The following WWP2 variants were observed in gnomAD, a reference collection of about 807,000 sequenced individuals.
The protein encoded by WWP2 is NEDD4-like E3 ubiquitin-protein ligase WWP2.
In WWP2, 57 loss-of-function variants were observed where a neutral mutation model predicts 121.0. That is an observed-to-expected ratio of 0.47 (90% CI 0.38 to 0.59). WWP2 has a LOEUF of 0.59. Among genes scored for constraint, WWP2 ranks in the 20% least tolerant of loss-of-function variants. The pLI is 0.00. For missense variants in WWP2, 962 were observed against 1,158.9 expected (o/e 0.83, Z 2.47); for synonymous variants, 449 against 441.3 (o/e 1.02, Z -0.22).
chr16:69,813,161 ATT>A (rs201294551), intron 4 of WWP2, among the ~76,000 whole-genome samples: 20 of 135,918 alleles, frequency 1.5e-4, no homozygotes, highest in Admixed American at 1.5e-4. Flanking sequence ...TTCTGGTGTA[ATT>A]TTTTTTTTTT....
intron 8 of WWP2, among the ~76,000 whole-genome samples, chr16:69,900,365 C>T (rs1056171071): frequency 6.6e-5 from 10 of 152,038 alleles, no homozygotes; most frequent in East Asian, 1.9e-4. Context: ...CAGTGGCTCA[C>T]GCCTGTAATC....
At chr16:69,811,764 A>G (rs2056396600) in intron 4 of WWP2, among the ~76,000 whole-genome samples, 1 of 152,144 alleles carries the variant, frequency 6.6e-6, no homozygotes, top group African/African-American at 2.4e-5. Context: ...AAAAAAATAA[A>G]AGATTCAAAT....
chr16:69,890,879 G>C (rs1192194169), intron 8 of WWP2: 1 of 152,246 alleles, frequency 6.6e-6, no homozygotes, highest in African/African-American at 2.4e-5. Flanking sequence ...ACGTTTCTGA[G>C]GTAGAGCCTA....
chr16:69,803,087 T>C (rs1267409875), intron 4 of WWP2, among the ~76,000 whole-genome samples: 1 of 144,232 alleles, frequency 6.9e-6, no homozygotes, highest in African/African-American at 2.5e-5. Flanking sequence ...ATATTACTTG[T>C]AAAAAAAAAA....
chr16:69,857,489 T>A (rs1448538441), intron 6 of WWP2, among the ~76,000 whole-genome samples: 1 of 152,010 alleles, frequency 6.6e-6, no homozygotes, highest in Non-Finnish European at 1.5e-5. Flanking sequence ...GATAATGGAG[T>A]GTGAAATTCT....
chr16:69,790,859 A>G (rs1008238741), intron 2 of WWP2, among the ~76,000 whole-genome samples: 6 of 152,108 alleles, frequency 3.9e-5, no homozygotes, highest in Non-Finnish European at 7.4e-5. Flanking sequence ...TACAGGTGTG[A>G]ACTACTGCAC....
intron 4 of WWP2, among the ~76,000 whole-genome samples, chr16:69,810,131 A>G (rs1476753761): frequency 6.6e-6 from 1 of 152,188 alleles, no homozygotes. Flanking sequence ...CACGGACAGA[A>G]TTCGTTCTTT....
chr16:69,796,722 A>G (rs2056055181), intron 2 of WWP2, among the ~76,000 whole-genome samples: 1 of 152,160 alleles, frequency 6.6e-6, no homozygotes, highest in Admixed American at 6.5e-5. Flanking sequence ...CCGTGTGTAA[A>G]TCACTGCACC....
Position 69,930,098 on chromosome 16 carries a change from A to G in WWP2, c.1317-32A>G, listed in dbSNP as rs1281219880. On this transcript the variant is annotated intron_variant, in intron 12 of 23. Transcript: ENST00000359154. ...CCACCAAGGTCCAGAAGGTGGGGCC[A>G]GCCCTTCACCCTTTTCTTCCCGTGT... 2.5e-6 allele frequency: 4 copies of G among 1,613,648 alleles called. No homozygotes were observed. In the South Asian group the frequency reaches 3.3e-5, roughly 13 times the overall value.
intron 2 of WWP2, among the ~76,000 whole-genome samples, chr16:69,796,497 T>G (rs1362367845): frequency 1.3e-5 from 2 of 152,262 alleles, no homozygotes; most frequent in East Asian, 3.8e-4. Context: ...CTGACTGGTG[T>G]TGCGGCTCAC....
chr16:69,923,759 C>A (rs1349997577), intron 10 of WWP2, among the ~76,000 whole-genome samples: 1 of 152,216 alleles, frequency 6.6e-6, no homozygotes, highest in Non-Finnish European at 1.5e-5. Flanking sequence ...TCAGCACTTA[C>A]CCAGTGCCTC....
rs74956818 is a variant in WWP2 at position 69,765,452 on chromosome 16, A to C, written c.-16+3061A>C. ...CCTTGTGGATCTTCAATTTTATTAG[A>C]GAAGGGCACATTGATAACTAAGTAT... is the stretch of plus-strand genomic sequence containing the variant. On this transcript the variant is annotated intron_variant, in intron 1 of 23. Transcript: ENST00000359154. Among the ~76,000 whole-genome samples, 274 of 152,280 alleles carry C rather than the reference A, an allele frequency of 1.8e-3. 4 individuals carry two copies. In the East Asian group the frequency reaches 0.033, roughly 18 times the overall value.
Position 69,930,143 on chromosome 16 carries a change from C to G in WWP2, c.1330C>G (p.Pro444Ala). The G allele has an allele frequency of 6.2e-7, 1 of 1,614,112 alleles. No individual in the cohort carries two copies. Among genetic ancestry groups the G allele is most frequent in the Middle Eastern group, 1.6e-4 (1 of 6,062 alleles). The change falls in exon 13 of 24, where the codon CCA becomes GCA. Residue 444 changes from proline (P) to alanine (A), a missense_variant. Around this residue, in one of 3 missense-constraint regions of WWP2, gnomAD observed 606 missense variants for 772.6 expected, o/e 0.78. Transcript: ENST00000359154. ...CCGTGTTTCCAGGATGATCCAGGAA[C>G]CAGCTCTGCCCCCAGGATGGGAGAT... ...DPRTQGMIQE[P>A]ALPPGWEMKY...
In WWP2 at chr16:69,935,658, T is replaced by G. The variant is rs1048516371; in HGVS notation, c.1843-195T>G. On this transcript the variant is annotated intron_variant, in intron 17 of 23. Coordinates refer to ENST00000359154, the MANE Select transcript of WWP2 (RefSeq NM_001270454.2). The surrounding 1 kb of genome is among the most constrained non-coding windows in gnomAD (Gnocchi z 5.2). Reference sequence around the variant, plus strand: ...CTGCAGGGCAGGGTGGGAGTCCCTCTGTAGGTACAAGTCAGGATAAAGGCG... The same window carrying G: ...CTGCAGGGCAGGGTGGGAGTCCCTCGGTAGGTACAAGTCAGGATAAAGGCG... Among the ~76,000 whole-genome samples, 2 of 152,238 alleles carry G rather than the reference T, an allele frequency of 1.3e-5. No homozygotes were observed. The highest frequency in any genetic ancestry group is 4.8e-5 in the African/African-American group (2 of 41,470).
rs529487746 is a variant in WWP2, at chr16:69,848,637, TAAA to T, written c.575+6539_575+6541del. On this transcript the variant is annotated intron_variant, in intron 6 of 23. Transcript: ENST00000359154. Reference sequence around the variant, plus strand: ...GGGCAACAGAGCTAGATGCTGTTGCTAAAAAAAAAAAAAAAAAAAAAAAAGAAG... The same window carrying T: ...GGGCAACAGAGCTAGATGCTGTTGCTAAAAAAAAAAAAAAAAAAAAAGAAG... Among the ~76,000 whole-genome samples the T allele has an allele frequency of 8.7e-4, 71 of 81,904 alleles. 1 individual carries two copies. The highest frequency in any genetic ancestry group is 5.2e-3 in the South Asian group (12 of 2,296). The allele number at this position is 81,904 out of a possible 152,430, so 53.7% of individuals were successfully genotyped here.
intron 6 of WWP2, among the ~76,000 whole-genome samples, chr16:69,871,433 G>T (rs1039492542): frequency 6.6e-6 from 1 of 152,156 alleles, no homozygotes; most frequent in African/African-American, 2.4e-5. Flanking sequence ...TTGCCTAATG[G>T]GGGAAATATT....
At chr16:69,827,241 A>G (rs2056717932) in intron 4 of WWP2, among the ~76,000 whole-genome samples, 1 of 150,706 alleles carries the variant, frequency 6.6e-6, no homozygotes, top group Admixed American at 6.6e-5. Context: ...ACAACTTATC[A>G]TTTTTCCCTG....
intron 1 of WWP2, among the ~76,000 whole-genome samples, chr16:69,765,136 G>A (rs1042788999): frequency 2.0e-5 from 3 of 152,108 alleles, no homozygotes; most frequent in African/African-American, 7.2e-5. Flanking sequence ...GGTGGAGGCT[G>A]CAGTGAGTTG....
At position 69,907,033 on chromosome 16, in the gene WWP2, G is replaced by A. The variant is rs118085733; in HGVS notation, c.915-1728G>A. ...AGTTTTACACATGTTAAATGATTAC[G>A]AAATAGATAACACTACAGTAAATAT... On this transcript the variant is annotated intron_variant, in intron 8 of 23. Coordinates refer to ENST00000359154, the MANE Select transcript of WWP2 (RefSeq NM_001270454.2). Among the ~76,000 whole-genome samples, 50 of 152,260 alleles carry A rather than the reference G, an allele frequency of 3.3e-4. No homozygotes were observed. The East Asian group carries it at 8.5e-3, about 26-fold the overall frequency.
Sources: allele counts gnomAD v4.1 joint callset (sites outside exome capture counted in the v4.1 genomes callset), GRCh38; gene constraint gnomAD v4.1.1; regional missense constraint gnomAD v4.1.1; non-coding constraint Gnocchi (gnomAD v3.1); transcripts MANE v1.5; gene names NCBI Gene and HGNC (gene_info 2026-07-23, HGNC 2026-07-21).